The following AKAP7 variants were observed in gnomAD, a reference collection of about 807,000 sequenced individuals.
AKAP7 encodes the protein A-kinase anchoring protein 7, also known as A kinase (PRKA) anchor protein 7.
Under a neutral mutation model 39.5 loss-of-function variants are expected in AKAP7, and 39 were observed. That is an observed-to-expected ratio of 0.99 (90% CI 0.76 to 1.29). The LOEUF is 1.29. AKAP7 is among the 50% of genes most tolerant of loss of function. The pLI, the probability that AKAP7 is intolerant of heterozygous loss-of-function variation, is 0.00. For missense variants in AKAP7, 414 were observed against 407.7 expected, an observed-to-expected ratio of 1.02 and a Z score of -0.13; for synonymous variants, 140 against 139.1, an observed-to-expected ratio of 1.01 and a Z score of -0.05.
intron 5 of AKAP7, among the ~76,000 whole-genome samples, chr6:131,178,680 T>G (rs1249548225): frequency 6.6e-6 from 1 of 152,178 alleles, no homozygotes; most frequent in Non-Finnish European, 1.5e-5. Flanking sequence ...ATTCTTAAAG[T>G]AGACAAGGCC....
intron 3 of AKAP7, chr6:131,164,264 CTG>C (rs1053367313): frequency 9.4e-6 from 4 of 426,500 alleles, no homozygotes; most frequent in African/African-American, 8.1e-5. Flanking sequence ...TCTCTTTTCT[CTG>C]TTGTTTTTTT....
chr6:131,253,389 T>C (rs1370625742), intron 7 of AKAP7, among the ~76,000 whole-genome samples: 1 of 152,214 alleles, frequency 6.6e-6, no homozygotes, highest in Non-Finnish European at 1.5e-5. Flanking sequence ...GGTACATGCA[T>C]GCAATGTGTA....
intron 2 of AKAP7, among the ~76,000 whole-genome samples, chr6:131,152,826 C>CAAA (rs759814910): frequency 2.6e-5 from 1 of 39,042 alleles, no homozygotes; most frequent in Non-Finnish European, 5.1e-5. Flanking sequence ...GACTCCATCT[C>CAAA]AAAAAAAAAA....
At chr6:131,153,614 TTAAA>T (rs1479185555) in intron 2 of AKAP7, among the ~76,000 whole-genome samples, 1 of 152,118 alleles carries the variant, frequency 6.6e-6, no homozygotes, top group Admixed American at 6.5e-5. Flanking sequence ...CAGTTTAGTA[TTAAA>T]TAGATAAGGT....
intron 6 of AKAP7, among the ~76,000 whole-genome samples, chr6:131,201,320 GT>G (rs1253640488): frequency 6.6e-6 from 1 of 152,172 alleles, no homozygotes. Flanking sequence ...CAGACACTGG[GT>G]GCTGGGCACA....
At chr6:131,241,577 A>ATGTGTGTGTGTGTGTGTG (rs749601887) in intron 7 of AKAP7, among the ~76,000 whole-genome samples, 5 of 81,246 alleles carry the variant, frequency 6.2e-5, no homozygotes, top group Non-Finnish European at 4.7e-5. Flanking sequence ...GATTATATAT[A>ATGTGTGTGTGTGTGTGTG]TGTGTGTGTG....
chr6:131,268,644 G>A (rs1393269128), intron 7 of AKAP7, among the ~76,000 whole-genome samples: 1 of 152,100 alleles, frequency 6.6e-6, no homozygotes, highest in Non-Finnish European at 1.5e-5. Flanking sequence ...TTATTCTGCC[G>A]ACGTACATCG....
intron 7 of AKAP7, among the ~76,000 whole-genome samples, chr6:131,244,916 CT>C (rs34502331): frequency 6.6e-6 from 1 of 152,064 alleles, no homozygotes; most frequent in Non-Finnish European, 1.5e-5. Flanking sequence ...ATACCTATAA[CT>C]TTTAGTTTTA....
At chr6:131,125,878 T>C in the AKAP7 span, among the ~76,000 whole-genome samples, 1 of 152,192 alleles carries the variant, frequency 6.6e-6, no homozygotes, top group Non-Finnish European at 1.5e-5. Context: ...TTTCTCGCTA[T>C]GTGTTTTAAG....
chr6:131,242,267 A>G, intron 7 of AKAP7: 2 of 879,014 alleles, frequency 2.3e-6, no homozygotes, highest in Non-Finnish European at 2.7e-6. Flanking sequence ...CCAAAGAACC[A>G]TAGCTGCCAA....
intron 2 of AKAP7, among the ~76,000 whole-genome samples, chr6:131,159,010 G>A (rs1290237482): frequency 6.6e-6 from 1 of 152,128 alleles, no homozygotes. Flanking sequence ...TTGTAAATGA[G>A]TCTTACAAGG....
Position 131,281,699 on chromosome 6 carries a change from C to T in AKAP7, c.1020C>T (p.Gly340=). Residue 340 remains glycine (G), a synonymous_variant, in exon 8 of 8, where the codon GGC becomes GGT. Coordinates refer to ENST00000431975, the MANE Select transcript of AKAP7 (RefSeq NM_016377.4). This position sits in a 1 kb window ranked among gnomAD's most constrained non-coding sequence, Gnocchi z 4.0. ...AAACCGAAGCAGCTGATCAGAATGG[C>T]AATGACAATGAGAACAACAGGAAAT... The part of the protein sequence containing the change: ...SVKTEAADQN[G]NDNENNRK 1 of 1,609,714 alleles carries T rather than the reference C, an allele frequency of 6.2e-7. No individual in the cohort carries two copies. Among genetic ancestry groups the T allele is most frequent in the South Asian group, 1.1e-5 (1 of 90,364 alleles).
chr6:131,247,312 T>C (rs1325133371), intron 7 of AKAP7, among the ~76,000 whole-genome samples: 2 of 111,650 alleles, frequency 1.8e-5, no homozygotes, highest in African/African-American at 3.8e-5. Flanking sequence ...TATATATATA[T>C]ATGTTTTTTT....
intron 1 of AKAP7, among the ~76,000 whole-genome samples, chr6:131,140,474 A>G (rs1800938580): frequency 1.3e-5 from 2 of 152,224 alleles, no homozygotes; most frequent in Admixed American, 6.5e-5. Context: ...AATTTAATTC[A>G]TCATTGTATT....
intron 7 of AKAP7, among the ~76,000 whole-genome samples, chr6:131,274,912 G>A (rs551856079): frequency 2.6e-4 from 39 of 152,236 alleles, no homozygotes; most frequent in African/African-American, 9.4e-4. Context: ...TATTCATTGA[G>A]CTGAAATACC....
At chr6:131,273,291 C>G (rs1045464737) in intron 7 of AKAP7, among the ~76,000 whole-genome samples, 4 of 152,080 alleles carry the variant, frequency 2.6e-5, no homozygotes, top group Non-Finnish European at 4.4e-5. Context: ...TCTGACTGTT[C>G]ATTGGAGTGT....
At chr6:131,199,167 G>A (rs1807267417) in intron 5 of AKAP7, among the ~76,000 whole-genome samples, 1 of 152,176 alleles carries the variant, frequency 6.6e-6, no homozygotes, top group African/African-American at 2.4e-5. Flanking sequence ...GTGAAAATCA[G>A]CATCATGTCA....
At position 131,276,951 on chromosome 6, in the gene AKAP7, A is replaced by T. The variant is rs182109374; in HGVS notation, c.851-4579A>T. ...CACTTAAGACCAGCTGAAGCACATT[A>T]ATGTTGACCTTCAGTTTTCGCAGTA... On this transcript the variant is annotated intron_variant, in intron 7 of 7. Transcript: ENST00000431975. Among the ~76,000 whole-genome samples, 4 of 152,284 alleles carry T rather than the reference A, an allele frequency of 2.6e-5. No individual in the cohort carries two copies. The East Asian group carries it at 7.7e-4, about 29-fold the overall frequency.
chr6:131,258,470 A>G (rs1013114926), intron 7 of AKAP7, among the ~76,000 whole-genome samples: 1 of 152,354 alleles, frequency 6.6e-6, no homozygotes, highest in African/African-American at 2.4e-5. Context: ...ATTGGAAATT[A>G]CCTTAAGCTT....
Sources: gnomAD v4.1 joint callset for allele counts (sites outside exome capture counted in the v4.1 genomes callset) on GRCh38, gnomAD v4.1.1 for gene constraint, Gnocchi (gnomAD v3.1) non-coding constraint, MANE v1.5 for transcripts, NCBI Gene and HGNC (gene_info 2026-07-23, HGNC 2026-07-21) for gene names.